WWOX: variants seen among roughly 807,000 people sequenced by gnomAD.
WWOX encodes WW domain containing oxidoreductase.
In WWOX, 69 loss-of-function variants were observed where a neutral mutation model predicts 46.2. That is an observed-to-expected ratio of 1.49 (90% CI 1.23 to 1.82). WWOX has a LOEUF of 1.82. Among genes scored for constraint, WWOX ranks in the 40% most tolerant of loss-of-function variants. The pLI, the probability that WWOX is intolerant of heterozygous loss-of-function variation, is 0.00. For synonymous variants in WWOX, 359 were observed against 202.6 expected, an observed-to-expected ratio of 1.77 and a Z score of -6.56; for missense variants, 919 against 542.6, an observed-to-expected ratio of 1.69 and a Z score of -6.89.
chr16:78,099,698 T>A lies in WWOX; in HGVS notation c.-81T>A. On this transcript the variant is annotated 5_prime_UTR_variant, in exon 1 of 9. Coordinates refer to ENST00000566780, the MANE Select transcript of WWOX (RefSeq NM_016373.4). ...GGTCGGGCCCCGACGCGCGCGGGTC[T>A]CGTTTGGAGCGGGAGTGAGTTCCTG... 1 of 1,453,636 alleles carries A rather than the reference T, an allele frequency of 6.9e-7. No individual in the cohort carries two copies. The highest frequency in any genetic ancestry group is 9.1e-7 in the Non-Finnish European group (1 of 1,103,016). The allele number at this position is 1,453,636 out of a possible 1,614,324, so 90.0% of individuals were successfully genotyped here.
chr16:78,721,621 G>A (rs1465325682), intron 8 of WWOX, among the ~76,000 whole-genome samples: 1 of 152,156 alleles, frequency 6.6e-6, no homozygotes, highest in Non-Finnish European at 1.5e-5. Context: ...CAGGACATGT[G>A]CTTTGAAATT....
At chr16:78,245,403 A>G (rs1252410638) in intron 5 of WWOX, among the ~76,000 whole-genome samples, 1 of 152,250 alleles carries the variant, frequency 6.6e-6, no homozygotes, top group Non-Finnish European at 1.5e-5. Flanking sequence ...TTGATTTGCC[A>G]GAAGTAGAAT....
At chr16:79,177,434 C>T (rs944639949) in intron 8 of WWOX, among the ~76,000 whole-genome samples, 2 of 152,202 alleles carry the variant, frequency 1.3e-5, no homozygotes, top group African/African-American at 4.8e-5. Context: ...CTTTTACACA[C>T]TTCCGCTAAC....
intron 8 of WWOX, among the ~76,000 whole-genome samples, chr16:78,683,143 A>G (rs556639284): frequency 4.3e-4 from 66 of 152,322 alleles, no homozygotes; most frequent in African/African-American, 1.5e-3. Flanking sequence ...AGTTTCCAAA[A>G]GAGCAGGTAA....
intron 8 of WWOX, among the ~76,000 whole-genome samples, chr16:79,096,311 G>A (rs1016940988): frequency 1.3e-5 from 2 of 152,108 alleles, no homozygotes; most frequent in African/African-American, 4.8e-5. Context: ...GGCGTCCCCT[G>A]TTACTCGGAG....
chr16:78,793,071 C>T (rs1300540484), intron 8 of WWOX, among the ~76,000 whole-genome samples: 4 of 152,100 alleles, frequency 2.6e-5, no homozygotes. Context: ...ATATCTGTAT[C>T]TATATCTAAT....
intron 5 of WWOX, among the ~76,000 whole-genome samples, chr16:78,202,838 G>A (rs1318794157): frequency 2.3e-5 from 3 of 132,182 alleles, no homozygotes; most frequent in Admixed American, 8.0e-5. Flanking sequence ...CTTTTTAAAT[G>A]CTCCATGTAG....
chr16:78,446,340 C>A (rs1184910532), intron 8 of WWOX, among the ~76,000 whole-genome samples: 1 of 152,166 alleles, frequency 6.6e-6, no homozygotes, highest in African/African-American at 2.4e-5. Flanking sequence ...TTGCCACTTA[C>A]TTTCTCCATG....
At chr16:78,599,697 C>T (rs75797728) in intron 8 of WWOX, among the ~76,000 whole-genome samples, 3,080 of 152,234 alleles carry the variant, frequency 0.02, 74 homozygotes, top group East Asian at 0.13. Flanking sequence ...GGGACATCCA[C>T]AGATGCCTTG....
At chr16:78,823,242 A>G (rs917672044) in intron 8 of WWOX, among the ~76,000 whole-genome samples, 2 of 152,174 alleles carry the variant, frequency 1.3e-5, no homozygotes, top group African/African-American at 4.8e-5. Context: ...AAATGCCTTA[A>G]TGATGCTGGC....
intron 5 of WWOX, among the ~76,000 whole-genome samples, chr16:78,261,356 G>A (rs1262353412): frequency 6.6e-6 from 1 of 150,786 alleles, no homozygotes; most frequent in Non-Finnish European, 1.5e-5. Flanking sequence ...GGTAAGCTAT[G>A]ATTGCACCAC....
chr16:79,135,038 C>G lies in WWOX; in HGVS notation c.1057-76570C>G, dbSNP rs191682070. On this transcript the variant is annotated intron_variant, in intron 8 of 8. Transcript: ENST00000566780. The stretch of plus-strand genomic sequence containing the variant: ...TGCTGTTCATTGGATTAATTTTTCT[C>G]TCTTATAAATAAAAAATATATACAA... Among the ~76,000 whole-genome samples, 113 of 152,240 alleles carry G rather than the reference C, an allele frequency of 7.4e-4. 1 individual carries two copies. The highest frequency in any genetic ancestry group is 1.0e-3 in the South Asian group (5 of 4,820).
intron 8 of WWOX, among the ~76,000 whole-genome samples, chr16:78,582,321 T>C (rs1040700168): frequency 6.6e-6 from 1 of 152,232 alleles, no homozygotes; most frequent in Non-Finnish European, 1.5e-5. Flanking sequence ...GAGGTTACTG[T>C]TGAATATAGA....
chr16:78,191,492 G>T (rs1239545940), intron 5 of WWOX, among the ~76,000 whole-genome samples: 1 of 152,178 alleles, frequency 6.6e-6, no homozygotes, highest in Non-Finnish European at 1.5e-5. Flanking sequence ...TGGTCCCAAC[G>T]TTTTAGGAAG....
chr16:79,021,754 C>T (rs1452853338), intron 8 of WWOX, among the ~76,000 whole-genome samples: 3 of 152,162 alleles, frequency 2.0e-5, no homozygotes, highest in Non-Finnish European at 4.4e-5. Flanking sequence ...ACATTTTGGC[C>T]ATCTGTGTAC....
At chr16:78,338,727 T>C (rs1271427850) in intron 5 of WWOX, among the ~76,000 whole-genome samples, 1 of 121,698 alleles carries the variant, frequency 8.2e-6, no homozygotes, top group Non-Finnish European at 2.0e-5. Flanking sequence ...TGTCTACATG[T>C]TTACAAGTTA....
chr16:78,763,221 C>G (rs898816450), intron 8 of WWOX, among the ~76,000 whole-genome samples: 16 of 152,188 alleles, frequency 1.1e-4, no homozygotes, highest in African/African-American at 3.9e-4. Context: ...TATTACAAAG[C>G]GATACTTTTC....
At chr16:79,047,660 G>C (rs950502037) in intron 8 of WWOX, among the ~76,000 whole-genome samples, 1 of 144,558 alleles carries the variant, frequency 6.9e-6, no homozygotes, top group Non-Finnish European at 1.5e-5. Context: ...ACTTTCTCCT[G>C]AGACTGTCCT....
At chr16:79,156,563 A>G (rs1254575373) in intron 8 of WWOX, among the ~76,000 whole-genome samples, 1 of 152,232 alleles carries the variant, frequency 6.6e-6, no homozygotes, top group Non-Finnish European at 1.5e-5. Flanking sequence ...CTTAAGCTTC[A>G]GAAGATTAGT....
Sources: allele counts gnomAD v4.1 joint callset (sites outside exome capture counted in the v4.1 genomes callset), GRCh38; gene constraint gnomAD v4.1.1; transcripts MANE v1.5; gene names NCBI Gene and HGNC (gene_info 2026-07-23, HGNC 2026-07-21).